Variants in SOX5 observed in about 807,000 individuals in gnomAD.
The protein encoded by SOX5 is SRY-box transcription factor 5.
SOX5 carries 9 observed loss-of-function variants against 92.0 expected under a neutral mutation model. The observed-to-expected ratio is 0.10, with a 90% CI of 0.06 to 0.17. The LOEUF (loss-of-function observed/expected upper bound fraction) is 0.17. SOX5 is among the 10% of genes least tolerant of loss of function. SOX5 has a pLI of 1.00. For missense variants in SOX5, 642 were observed against 944.5 expected, an observed-to-expected ratio of 0.68 and a Z score of 4.20; for synonymous variants, 344 against 336.3, an observed-to-expected ratio of 1.02 and a Z score of -0.25.
chr12:24,182,999 C>A (rs1441493799), intron 4 of SOX5, among the ~76,000 whole-genome samples: 1 of 152,160 alleles, frequency 6.6e-6, no homozygotes, highest in Non-Finnish European at 1.5e-5. Flanking sequence ...CAAGCATGAG[C>A]CACCACGGCT....
intron 1 of SOX5, among the ~76,000 whole-genome samples, chr12:24,540,683 G>A (rs970807920): frequency 2.6e-5 from 4 of 152,298 alleles, no homozygotes; most frequent in Middle Eastern, 3.4e-3. Context: ...ACAATTTCGA[G>A]AGAGGAAGTT....
chr12:24,000,673 T>C (rs1951511980), intron 4 of SOX5, among the ~76,000 whole-genome samples: 1 of 151,982 alleles, frequency 6.6e-6, no homozygotes. Context: ...AGAAAACAAA[T>C]GGAAATGGCA....
At chr12:24,362,510 G>T (rs768549986) in intron 2 of SOX5, among the ~76,000 whole-genome samples, 9 of 152,184 alleles carry the variant, frequency 5.9e-5, no homozygotes, top group Non-Finnish European at 1.2e-4. Context: ...GGCGTGGGGA[G>T]AGGGAATCAA....
At chr12:24,455,513 A>G (rs1010920014) in intron 1 of SOX5, among the ~76,000 whole-genome samples, 2 of 152,238 alleles carry the variant, frequency 1.3e-5, no homozygotes, top group African/African-American at 4.8e-5. Flanking sequence ...GTCCTTCTAT[A>G]AAGTTCAGTC....
intron 1 of SOX5, among the ~76,000 whole-genome samples, chr12:23,937,888 G>A (rs569741391): frequency 6.6e-6 from 1 of 151,020 alleles, no homozygotes; most frequent in African/African-American, 2.4e-5. Flanking sequence ...AACGTGGACA[G>A]TGGTCTCTTT....
chr12:23,630,716 A>G (rs907239854), intron 8 of SOX5, among the ~76,000 whole-genome samples: 3 of 151,966 alleles, frequency 2.0e-5, no homozygotes, highest in African/African-American at 4.8e-5. Flanking sequence ...CACTTTACAG[A>G]CAAGAAAATT....
intron 3 of SOX5, among the ~76,000 whole-genome samples, chr12:23,838,155 T>A (rs1199059599): frequency 7.0e-6 from 1 of 142,862 alleles, no homozygotes; most frequent in African/African-American, 2.5e-5. Flanking sequence ...TATTTATATT[T>A]ATATAATATA....
At chr12:23,762,374 A>G in intron 3 of SOX5, 1 of 362,250 alleles carries the variant, frequency 2.8e-6, no homozygotes, top group Non-Finnish European at 4.9e-6. Context: ...TAGCCACCAC[A>G]CTCCTGCCTG....
chr12:24,282,074 TCAAC>T (rs1223872068), intron 2 of SOX5, among the ~76,000 whole-genome samples: 1 of 152,206 alleles, frequency 6.6e-6, no homozygotes, highest in African/African-American at 2.4e-5. Flanking sequence ...CTACAGAGAC[TCAAC>T]CAAATCTCAA....
intron 2 of SOX5, among the ~76,000 whole-genome samples, chr12:24,361,635 G>A (rs960010171): frequency 5.3e-5 from 8 of 151,004 alleles, no homozygotes; most frequent in Non-Finnish European, 1.0e-4. Context: ...GTGTGTGTGC[G>A]CATGTGTGTG....
At chr12:24,286,576 C>T (rs1330928920) in intron 2 of SOX5, among the ~76,000 whole-genome samples, 1 of 152,042 alleles carries the variant, frequency 6.6e-6, no homozygotes, top group East Asian at 1.9e-4. Flanking sequence ...CTCACTCTGT[C>T]ATCCAGGCTG....
chr12:24,111,877 T>C (rs979340688), intron 4 of SOX5, among the ~76,000 whole-genome samples: 2 of 152,234 alleles, frequency 1.3e-5, no homozygotes, highest in African/African-American at 4.8e-5. Flanking sequence ...TAATTTATTA[T>C]AGATATTTTC....
At chr12:23,797,834 T>C (rs2142084002) in intron 3 of SOX5, among the ~76,000 whole-genome samples, 1 of 152,184 alleles carries the variant, frequency 6.6e-6, no homozygotes, top group East Asian at 1.9e-4. Flanking sequence ...TCTTTACCTC[T>C]CTCAACTTAC....
chr12:24,427,465 G>A (rs967716101), intron 1 of SOX5, among the ~76,000 whole-genome samples: 2 of 152,178 alleles, frequency 1.3e-5, no homozygotes, highest in Admixed American at 6.5e-5. Context: ...TCACATGGGA[G>A]ATAGAATAAA....
chr12:23,982,966 G>C (rs1949718116), intron 4 of SOX5, among the ~76,000 whole-genome samples: 3 of 152,024 alleles, frequency 2.0e-5, no homozygotes, highest in African/African-American at 7.2e-5. Context: ...AGTGTAGTAG[G>C]TGTGTCATTC....
At chr12:24,176,641 T>C (rs979287413) in intron 4 of SOX5, among the ~76,000 whole-genome samples, 68 of 152,192 alleles carry the variant, frequency 4.5e-4, no homozygotes, top group African/African-American at 1.6e-3. Flanking sequence ...GGTTTGAGTT[T>C]AAATGAAGAC....
chr12:24,333,368 G>T (rs1345607075), intron 2 of SOX5, among the ~76,000 whole-genome samples: 1 of 151,968 alleles, frequency 6.6e-6, no homozygotes, highest in Non-Finnish European at 1.5e-5. Context: ...TGATCAAAGA[G>T]GCAGCAAGAT....
intron 9 of SOX5, among the ~76,000 whole-genome samples, chr12:23,593,210 G>A (rs544481535): frequency 6.6e-5 from 10 of 152,124 alleles, no homozygotes; most frequent in South Asian, 4.2e-4. Flanking sequence ...ATGTGCCTAC[G>A]AATTCCCCTG....
chr12:24,073,673 T>G (rs1236947945), intron 4 of SOX5, among the ~76,000 whole-genome samples: 2 of 152,238 alleles, frequency 1.3e-5, no homozygotes, highest in Admixed American at 1.3e-4. Context: ...AAGGACCATT[T>G]ATCATTTTTC....
Sources: allele counts gnomAD v4.1 joint callset (sites outside exome capture counted in the v4.1 genomes callset), GRCh38; gene constraint gnomAD v4.1.1; transcripts MANE v1.5; gene names NCBI Gene and HGNC (gene_info 2026-07-23, HGNC 2026-07-21).